The following FGFR1OP2 variants were observed in gnomAD, a reference collection of about 807,000 sequenced individuals.
FGFR1OP2 encodes FGFR1 oncogene partner 2.
In FGFR1OP2, 17 loss-of-function variants were observed where a neutral mutation model predicts 35.2. That is an observed-to-expected ratio of 0.48 (90% confidence interval 0.33 to 0.73). The LOEUF is 0.73. FGFR1OP2 is among the 30% of genes least tolerant of loss of function. The pLI is 0.02. For synonymous variants in FGFR1OP2, 105 were observed against 104.6 expected (o/e 1.00, Z -0.03); for missense variants, 251 against 307.3 (o/e 0.82, Z 1.37).
chr12:26,940,511 T>C (rs1938718145), intron 1 of FGFR1OP2, among the ~76,000 whole-genome samples: 1 of 152,224 alleles, frequency 6.6e-6, no homozygotes, highest in South Asian at 2.1e-4. Context: ...CATAAGATTA[T>C]AAGTTTATAT....
intron 1 of FGFR1OP2, among the ~76,000 whole-genome samples, chr12:26,939,095 T>A (rs1041563074): frequency 2.0e-5 from 3 of 152,140 alleles, no homozygotes; most frequent in African/African-American, 4.8e-5. Context: ...CTCCAAGGGG[T>A]ATTACTCTTT....
At chr12:26,945,405 G>A (rs568837169) in intron 1 of FGFR1OP2, among the ~76,000 whole-genome samples, 24 of 152,028 alleles carry the variant, frequency 1.6e-4, no homozygotes, top group Non-Finnish European at 1.6e-4. Flanking sequence ...TTGATATTTT[G>A]TATTTTCATG....
At chr12:26,957,964 A>G (rs1939049218) in intron 4 of FGFR1OP2, 2 of 396,474 alleles carry the variant, frequency 5.0e-6, no homozygotes, top group Non-Finnish European at 8.9e-6. Flanking sequence ...ACTGTTTCTT[A>G]GAAACTTTAA....
chr12:26,941,186 A>C (rs1213504067), intron 1 of FGFR1OP2, among the ~76,000 whole-genome samples: 3 of 152,100 alleles, frequency 2.0e-5, no homozygotes, highest in Non-Finnish European at 4.4e-5. Flanking sequence ...TATTATGGCC[A>C]GTTAAGGTAG....
intron 1 of FGFR1OP2, among the ~76,000 whole-genome samples, chr12:26,953,250 A>G (rs1464213673): frequency 7.1e-6 from 1 of 140,768 alleles, no homozygotes; most frequent in Non-Finnish European, 1.5e-5. Context: ...CCTGGGCGAC[A>G]GAGCGAGACT....
At chr12:26,960,670 G>T (rs746635966) in intron 5 of FGFR1OP2, 42 bp downstream of exon 5, 18 of 1,566,738 alleles carry the variant, frequency 1.1e-5, no homozygotes, top group Middle Eastern at 1.7e-4. Context: ...GTGGATGGAA[G>T]GGGGGTCCAT....
chr12:26,942,332 A>C (rs1480404169), intron 1 of FGFR1OP2, among the ~76,000 whole-genome samples: 2 of 152,184 alleles, frequency 1.3e-5, no homozygotes, highest in East Asian at 3.9e-4. Context: ...AGCTTTTTAG[A>C]TTTGGAATTC....
intron 4 of FGFR1OP2, 149 bp downstream of exon 4, chr12:26,957,892 T>C (rs766083056): frequency 1.2e-4 from 70 of 582,800 alleles, no homozygotes; most frequent in Non-Finnish European, 1.7e-4. Context: ...TGACATTTTC[T>C]CCTTTTTCTT....
intron 3 of FGFR1OP2, 139 bp from the exon 4 acceptor site, chr12:26,957,462 C>T: frequency 8.7e-6 from 6 of 691,608 alleles, no homozygotes; most frequent in Non-Finnish European, 1.5e-5. Flanking sequence ...CATTTGGTGT[C>T]TCTTATTGTT....
intron 4 of FGFR1OP2, among the ~76,000 whole-genome samples, chr12:26,958,581 A>G (rs1472927294): frequency 6.6e-6 from 1 of 152,216 alleles, no homozygotes; most frequent in Non-Finnish European, 1.5e-5. Context: ...AGAAGAACCA[A>G]CATAGTAAAA....
intron 1 of FGFR1OP2, among the ~76,000 whole-genome samples, chr12:26,943,043 CT>C (rs2136347201): frequency 6.6e-6 from 1 of 152,250 alleles, no homozygotes; most frequent in African/African-American, 2.4e-5. Flanking sequence ...CAAAGATTTT[CT>C]CTTATTTTTT....
At chr12:26,961,028 T>G (rs1939098607) in intron 5 of FGFR1OP2, 1 of 157,348 alleles carries the variant, frequency 6.4e-6, no homozygotes, top group African/African-American at 2.4e-5. Context: ...TTGTAGTCCT[T>G]TGATTTTGCA....
At chr12:26,951,510 G>A (rs906754191) in intron 1 of FGFR1OP2, among the ~76,000 whole-genome samples, 1 of 152,092 alleles carries the variant, frequency 6.6e-6, no homozygotes, top group Non-Finnish European at 1.5e-5. Flanking sequence ...AGTAGAGACG[G>A]TGTTTCACCA....
intron 3 of FGFR1OP2, among the ~76,000 whole-genome samples, 186 bp downstream of exon 3, chr12:26,956,846 A>G (rs1471895912): frequency 2.0e-5 from 3 of 152,102 alleles, no homozygotes; most frequent in African/African-American, 7.2e-5. Flanking sequence ...CATTCTCTGC[A>G]GTCCCACTGC....
chr12:26,941,148 C>T (rs1177826021), intron 1 of FGFR1OP2, among the ~76,000 whole-genome samples: 1 of 151,934 alleles, frequency 6.6e-6, no homozygotes, highest in Non-Finnish European at 1.5e-5. Context: ...AATTTGGACC[C>T]GCCTATAGAA....
In FGFR1OP2 at chr12:26,951,300, G is replaced by A. The variant is rs924321907; in HGVS notation, c.-14-2845G>A. ...ATAGCTGGGATTACAGGCACCCCCC[G>A]ACCAGGCCCGGCTAATTTTTGTATT... On this transcript the variant is annotated intron_variant, in intron 1 of 6. Coordinates refer to ENST00000229395, the MANE Select transcript of FGFR1OP2 (RefSeq NM_015633.3). Among the ~76,000 whole-genome samples the A allele has an allele frequency of 3.3e-5, 5 of 151,522 alleles. No homozygotes were observed. In the East Asian group the frequency reaches 7.8e-4, roughly 24 times the overall value.
chr12:26,950,213 G>GTTTTTTGTTTTTT (rs1938899551), intron 1 of FGFR1OP2, among the ~76,000 whole-genome samples: 1 of 50,934 alleles, frequency 2.0e-5, no homozygotes, highest in African/African-American at 8.1e-5. Context: ...TGTATTCGTT[G>GTTTTTTGTTTTTT]TTTTTTTTTT....
intron 1 of FGFR1OP2, among the ~76,000 whole-genome samples, chr12:26,940,482 A>G (rs969740113): frequency 6.6e-6 from 1 of 152,212 alleles, no homozygotes; most frequent in Non-Finnish European, 1.5e-5. Context: ...TGTAATTTAT[A>G]TGCGTTCTTT....
rs749386177 is a variant in FGFR1OP2, at chr12:26,957,608, T to G, written c.261T>G (p.Arg87=). The G allele has an allele frequency of 6.2e-7, 1 of 1,611,694 alleles. No homozygotes were observed. The highest frequency in any genetic ancestry group is 2.2e-5 in the East Asian group (1 of 44,782). Residue 87 remains arginine (R), a synonymous_variant, in exon 4 of 7, where the codon CGT becomes CGG. Transcript: ENST00000229395. ...RELQQENKEL[R]TSLEEHQSAL... ...CAATATTATTCTTGATAGAATTACG[T>G]ACATCTCTGGAAGAACATCAGTCGG...
Sources: gnomAD v4.1 joint callset for allele counts (sites outside exome capture counted in the v4.1 genomes callset) on GRCh38, gnomAD v4.1.1 for gene constraint, MANE v1.5 for transcripts, NCBI Gene and HGNC (gene_info 2026-07-23, HGNC 2026-07-21) for gene names.